SUFU: variants seen among roughly 807,000 people sequenced by gnomAD.
The protein encoded by SUFU is suppressor of fused homolog.
Under a neutral mutation model 58.9 loss-of-function variants are expected in SUFU, and 7 were observed. The ratio of observed to expected loss-of-function variants is 0.12; its 90% confidence interval spans 0.07 to 0.22. The LOEUF (loss-of-function observed/expected upper bound fraction) is 0.22, where lower values mean the gene tolerates loss of function less well. Among genes scored for constraint, SUFU ranks in the 10% least tolerant of loss-of-function variants. The pLI is 1.00. For missense variants in SUFU, 451 were observed against 641.3 expected (o/e 0.70, Z 3.20); for synonymous variants, 232 against 254.8 (o/e 0.91, Z 0.85).
Position 102,619,373 on chromosome 10 carries a change from T to C in SUFU, c.1296+1945T>C, listed in dbSNP as rs1281637018. 4 of 1,403,654 alleles carry C rather than the reference T, an allele frequency of 2.8e-6. No individual in the cohort carries two copies. The highest frequency in any genetic ancestry group is 2.8e-6 in the Non-Finnish European group (3 of 1,080,002). 86.9% of individuals were successfully genotyped at this position (1,403,654 alleles called of 1,614,324 possible). A position where few individuals can be genotyped will look rare whatever the true frequency, so the allele number is the denominator to read the frequency against. ...CTCCCCAGCACATGGTCCCCTCCCA[T>C]GGGCTGTTGCCCAGGGAACCGGGGC... On this transcript the variant is annotated intron_variant, in intron 10 of 11. Coordinates refer to ENST00000369902, the MANE Select transcript of SUFU (RefSeq NM_016169.4). The surrounding 1 kb of genome is among the most constrained non-coding windows in gnomAD (Gnocchi z 4.2).
chr10:102,592,798 G>T, intron 4 of SUFU, 74 bp downstream of exon 4: 1 of 1,574,228 alleles, frequency 6.4e-7, no homozygotes, highest in Non-Finnish European at 8.7e-7. Context: ...GGCTTGAGGA[G>T]GGGGAGTGAA....
Position 102,619,492 on chromosome 10 carries a change from T to C in SUFU, c.1296+2064T>C, listed in dbSNP as rs185163084. On this transcript the variant is annotated intron_variant, in intron 10 of 11. Coordinates refer to ENST00000369902, the MANE Select transcript of SUFU (RefSeq NM_016169.4). This position sits in a 1 kb window ranked among gnomAD's most constrained non-coding sequence, Gnocchi z 4.2. The stretch of plus-strand genomic sequence containing the variant: ...AAGGCCTGTGTTATGGGCTCATTAG[T>C]GTGGTCCACCACGGGGCCGGCTCAC... The C allele has an allele frequency of 1.7e-6, 2 of 1,172,464 alleles. No homozygotes were observed. Among genetic ancestry groups the C allele is most frequent in the Non-Finnish European group, 2.1e-6 (2 of 943,998 alleles). The allele number at this position is 1,172,464 out of a possible 1,614,324, so 72.6% of individuals were successfully genotyped here.
intron 1 of SUFU, 93 bp downstream of exon 1, chr10:102,504,427 G>T: frequency 6.4e-7 from 1 of 1,562,572 alleles, no homozygotes; most frequent in East Asian, 2.4e-5. Context: ...GGGAGGAGGG[G>T]TAGAGAATGG....
intron 7 of SUFU, 37 bp downstream of exon 7, chr10:102,597,330 C>T: frequency 6.2e-7 from 1 of 1,600,178 alleles, no homozygotes; most frequent in Non-Finnish European, 8.5e-7. Flanking sequence ...CAGCCTTCCT[C>T]CTTCCTTTTC....
intron 3 of SUFU, among the ~76,000 whole-genome samples, chr10:102,569,124 G>T (rs2135796759): frequency 6.6e-6 from 1 of 151,372 alleles, no homozygotes; most frequent in African/African-American, 2.4e-5. Flanking sequence ...TGAACATCTT[G>T]GCAACTGCGT....
intron 1 of SUFU, among the ~76,000 whole-genome samples, chr10:102,507,989 A>G (rs2062351037): frequency 6.8e-6 from 1 of 146,556 alleles, no homozygotes; most frequent in Non-Finnish European, 1.5e-5. Context: ...TTTTTTAGAC[A>G]AAGTCTCACT....
intron 6 of SUFU, 150 bp downstream of exon 6, chr10:102,594,215 A>G: frequency 1.2e-6 from 1 of 800,902 alleles, no homozygotes; most frequent in Non-Finnish European, 2.1e-6. Context: ...TGAATTCTGC[A>G]GAGCACGTAG....
intron 3 of SUFU, chr10:102,573,153 T>C: frequency 1.3e-6 from 1 of 774,084 alleles, no homozygotes; most frequent in Non-Finnish European, 2.3e-6. Flanking sequence ...ACTGCCTTCT[T>C]GGCCTTCAAA....
chr10:102,521,133 T>C (rs976587143), intron 2 of SUFU, among the ~76,000 whole-genome samples: 4 of 152,224 alleles, frequency 2.6e-5, no homozygotes, highest in Non-Finnish European at 5.9e-5. Flanking sequence ...CACCAGCATT[T>C]GGTATTGTCT....
intron 3 of SUFU, chr10:102,573,271 T>C (rs2063181436): frequency 3.1e-6 from 2 of 636,290 alleles, no homozygotes; most frequent in Non-Finnish European, 5.7e-6. Context: ...ATCATCTACT[T>C]TGGCCTCACA....
At chr10:102,565,195 T>C (rs1429674909) in intron 3 of SUFU, among the ~76,000 whole-genome samples, 2 of 152,206 alleles carry the variant, frequency 1.3e-5, no homozygotes, top group Non-Finnish European at 2.9e-5. Flanking sequence ...ACAAGAATGA[T>C]ATGGCCCTCA....
intron 2 of SUFU, among the ~76,000 whole-genome samples, chr10:102,518,991 A>G (rs2062510278): frequency 6.6e-6 from 1 of 151,742 alleles, no homozygotes; most frequent in Admixed American, 6.6e-5. Context: ...AATAGAAAAA[A>G]TTAGCCAGGC....
intron 3 of SUFU, among the ~76,000 whole-genome samples, chr10:102,568,032 C>T (rs2063110276): frequency 1.3e-5 from 2 of 152,116 alleles, no homozygotes; most frequent in Admixed American, 6.6e-5. Flanking sequence ...CTGGGCCACT[C>T]ACATCACACA....
chr10:102,539,298 T>C (rs1048534864), intron 2 of SUFU, among the ~76,000 whole-genome samples: 6 of 152,238 alleles, frequency 3.9e-5, no homozygotes, highest in Non-Finnish European at 2.9e-5. Context: ...TATCTGATGT[T>C]TCCTCATGCG....
rs2063721940 is a variant in SUFU, at chr10:102,619,479, A to T, written c.1296+2051A>T. On this transcript the variant is annotated intron_variant, in intron 10 of 11. Coordinates refer to ENST00000369902, the MANE Select transcript of SUFU (RefSeq NM_016169.4). The surrounding 1 kb of genome is among the most constrained non-coding windows in gnomAD (Gnocchi z 4.2). The stretch of plus-strand genomic sequence containing the variant: ...AGCTACTCAATCAAAGGCCTGTGTT[A>T]TGGGCTCATTAGTGTGGTCCACCAC... 1 of 1,232,796 alleles carries T rather than the reference A, an allele frequency of 8.1e-7. No individual in the cohort carries two copies. The allele number at this position is 1,232,796 out of a possible 1,614,324, so 76.4% of individuals were successfully genotyped here.
At position 102,504,221 on chromosome 10, in the gene SUFU, C is replaced by T. The variant is rs1320688671; in HGVS notation, c.69C>T (p.Pro23=). 2 of 1,611,400 alleles carry T rather than the reference C, an allele frequency of 1.2e-6. No individual in the cohort carries two copies. The highest frequency in any genetic ancestry group is 8.5e-7 in the Non-Finnish European group (1 of 1,179,180). The change falls in exon 1 of 12, where the codon CCC becomes CCT. Residue 23 remains proline (P), a synonymous_variant. Coordinates refer to ENST00000369902, the MANE Select transcript of SUFU (RefSeq NM_016169.4). ...TAPPAPGPTA[P]PAFASLFPPG... Reference sequence around the variant, plus strand: ...CCCCGGCCCCTGGCCCGACTGCCCCCCCGGCCTTCGCTTCGCTCTTTCCCC... The same window carrying T: ...CCCCGGCCCCTGGCCCGACTGCCCCTCCGGCCTTCGCTTCGCTCTTTCCCC...
At position 102,585,692 on chromosome 10, in the gene SUFU, G is replaced by C. The variant is rs537576240; in HGVS notation, c.455-6890G>C. ...CAGCTAATTTTTTGTTTGTTTGTTT[G>C]TTTTTTATAGAGATGGGGTTTTGCC... On this transcript the variant is annotated intron_variant, in intron 3 of 11. Transcript: ENST00000369902. Among the ~76,000 whole-genome samples the C allele has an allele frequency of 3.3e-5, 5 of 151,604 alleles. No homozygotes were observed. In the East Asian group the frequency reaches 9.8e-4, roughly 30 times the overall value.
intron 2 of SUFU, among the ~76,000 whole-genome samples, chr10:102,547,053 G>A (rs1460241725): frequency 1.3e-5 from 2 of 152,242 alleles, no homozygotes; most frequent in Non-Finnish European, 2.9e-5. Flanking sequence ...TTGTGCAGCC[G>A]AAGAGGAACA....
At chr10:102,533,955 A>G (rs1316921733) in intron 2 of SUFU, among the ~76,000 whole-genome samples, 2 of 152,226 alleles carry the variant, frequency 1.3e-5, no homozygotes, top group African/African-American at 4.8e-5. Flanking sequence ...TGGAAAGATC[A>G]GGTTTGGTAA....
Sources: allele counts gnomAD v4.1 joint callset (sites outside exome capture counted in the v4.1 genomes callset), GRCh38; gene constraint gnomAD v4.1.1; non-coding constraint Gnocchi (gnomAD v3.1); transcripts MANE v1.5; gene names NCBI Gene and HGNC (gene_info 2026-07-23, HGNC 2026-07-21).